The following ARHGAP21 variants were observed in gnomAD, a reference collection of about 807,000 sequenced individuals.
ARHGAP21 encodes the protein Rho GTPase activating protein 21.
A neutral mutation model predicts 164.6 loss-of-function variants in ARHGAP21; 38 were observed. The observed-to-expected ratio is 0.23, with a 90% CI of 0.18 to 0.30. The LOEUF (loss-of-function observed/expected upper bound fraction) is 0.30. ARHGAP21 is among the 10% of genes least tolerant of loss of function. The probability of loss-of-function intolerance (pLI) is 1.00; values close to 1 mark genes in which losing one functional copy is unlikely to be tolerated. For missense variants in ARHGAP21, 1,822 were observed against 2,370.7 expected (o/e 0.77, Z 4.81); for synonymous variants, 766 against 857.9 (o/e 0.89, Z 1.87).
chr10:24,609,225 AGT>A (rs2077155460), intron 9 of ARHGAP21, among the ~76,000 whole-genome samples: 2 of 152,212 alleles, frequency 1.3e-5, no homozygotes, highest in Non-Finnish European at 2.9e-5. Flanking sequence ...AACTAAAGAG[AGT>A]GAAATTCAAA....
intron 24 of ARHGAP21, 32 bp downstream of exon 24, chr10:24,591,193 C>CT (rs1385639779): frequency 6.6e-7 from 1 of 1,514,452 alleles, no homozygotes; most frequent in Non-Finnish European, 9.1e-7. Flanking sequence ...AGCTTTCAGC[C>CT]TAGAGGTCAA....
chr10:24,711,419 A>G (rs1844805258), intron 2 of ARHGAP21, among the ~76,000 whole-genome samples: 1 of 152,150 alleles, frequency 6.6e-6, no homozygotes, highest in Admixed American at 6.5e-5. Context: ...TTTATAAATC[A>G]TTCCTAAACA....
chr10:24,598,017 A>G lies in ARHGAP21; in HGVS notation c.3133-8T>C. The G allele has an allele frequency of 2.5e-6, 4 of 1,600,804 alleles. No homozygotes were observed. Among genetic ancestry groups the G allele is most frequent in the Non-Finnish European group, 3.4e-6 (4 of 1,172,580 alleles). On this transcript the variant is annotated splice_region_variant and splice_polypyrimidine_tract_variant and intron_variant, in intron 14 of 25. Coordinates refer to ENST00000396432, the MANE Select transcript of ARHGAP21 (RefSeq NM_020824.4). The stretch of plus-strand genomic sequence containing the variant: ...GTTAGTGACTCCAGTGTCCTACAGA[A>G]TAAAGTAAAATTAGAAAATCAATTC...
Position 24,621,242 on chromosome 10 carries a change from A to G in ARHGAP21, c.653T>C (p.Val218Ala). 6.2e-7 allele frequency: 1 copy of G among 1,613,874 alleles called. No homozygotes were observed. Residue 218 changes from valine to alanine, a missense_variant, in exon 9 of 26, where the codon GTT (valine) becomes GCT (alanine). Coordinates refer to ENST00000396432, the MANE Select transcript of ARHGAP21 (RefSeq NM_020824.4). ...TGATGAGTCAGGAGGAGATATTTCA[A>G]CTGGCTGTGCCATGGCTGATGGGGC... ...PSAPSAMAQP[V>A]EISPPDSSLS...
Position 24,596,821 on chromosome 10 carries a change from T to C in ARHGAP21, c.3396A>G (p.Arg1132=). 1.2e-6 allele frequency: 2 copies of C among 1,612,252 alleles called. No individual in the cohort carries two copies. The highest frequency in any genetic ancestry group is 2.2e-5 in the East Asian group (1 of 44,692). ...CAGTTGGCTTTTTCTCAAATGTCTT[T>C]CTCATGATACTTGGAATGCCTTTTC... The part of the protein sequence containing the change: ...TWRKGIPSIM[R]KTFEKKPTAT... Residue 1132 remains arginine, a synonymous_variant, in exon 17 of 26, where the codon AGA becomes AGG. Coordinates refer to ENST00000396432, the MANE Select transcript of ARHGAP21 (RefSeq NM_020824.4).
chr10:24,602,051 G>A lies in ARHGAP21; in HGVS notation c.2774C>T (p.Ser925Phe), dbSNP rs1265976883. ...GGCAGCATCACTGAAGACCTCTGAG[G>A]AAGAATCTTTTCTGGACCCAGAGTC... ...SEDSGSRKDS[S>F]SEVFSDAAKE... is the part of the protein sequence containing the mutation. The change falls in exon 13 of 26, where the codon TCC becomes TTC. Residue 925 changes from serine (S) to phenylalanine (F), a missense_variant. Ser to Phe is a radical substitution (Grantham distance 155). Coordinates refer to ENST00000396432, the MANE Select transcript of ARHGAP21 (RefSeq NM_020824.4). 1 of 1,613,076 alleles carries A rather than the reference G, an allele frequency of 6.2e-7. No individual in the cohort carries two copies. Among genetic ancestry groups the A allele is most frequent in the Admixed American group, 1.7e-5 (1 of 60,002 alleles).
intron 9 of ARHGAP21, among the ~76,000 whole-genome samples, chr10:24,614,559 G>A (rs1186615835): frequency 6.6e-6 from 1 of 152,124 alleles, no homozygotes; most frequent in African/African-American, 2.4e-5. Flanking sequence ...TTGGGAGGTT[G>A]AGGCAGGCGG....
chr10:24,662,756 T>C (rs560459613), intron 4 of ARHGAP21, among the ~76,000 whole-genome samples: 1 of 152,330 alleles, frequency 6.6e-6, no homozygotes, highest in Non-Finnish European at 1.5e-5. Context: ...GTACTTGAAT[T>C]TCTATTTCTC....
intron 12 of ARHGAP21, among the ~76,000 whole-genome samples, chr10:24,603,707 C>G (rs2076908498): frequency 6.6e-6 from 1 of 151,996 alleles, no homozygotes; most frequent in Non-Finnish European, 1.5e-5. Context: ...GGTATAAAGG[C>G]AGGGGACTGG....
At chr10:24,591,752 G>A (rs2076341219) in intron 22 of ARHGAP21, 69 bp from the exon 23 acceptor site, 1 of 1,601,026 alleles carries the variant, frequency 6.2e-7, no homozygotes, top group Non-Finnish European at 8.5e-7. Flanking sequence ...TTGGAGGATA[G>A]TATAGAAAAA....
rs139273605 is a variant in ARHGAP21, at chr10:24,600,543, C to T, written c.3132+103G>A. On this transcript the variant is annotated intron_variant, in intron 14 of 25. Coordinates refer to ENST00000396432, the MANE Select transcript of ARHGAP21 (RefSeq NM_020824.4). ...TCAACTGTTTTACATGAAAATAGCA[C>T]ATTATAATTTTTTTATAAAAATGAT... The T allele has an allele frequency of 1.0e-3, 1,409 of 1,359,306 alleles. 23 individuals are homozygous for T. The East Asian group carries it at 0.027, about 26-fold the overall frequency. The allele number at this position is 1,359,306 out of a possible 1,614,324, so 84.2% of individuals were successfully genotyped here.
Position 24,596,876 on chromosome 10 carries a change from G to T in ARHGAP21, c.3341C>A (p.Thr1114Asn), listed in dbSNP as rs746946721. The change falls in exon 17 of 26, where the codon ACC (threonine) becomes AAC (asparagine). Residue 1114 changes from threonine to asparagine, a missense_variant. By Grantham distance (65) the Thr-to-Asn change is moderately conservative. Around this residue, in one of 5 missense-constraint regions of ARHGAP21, gnomAD observed 1,090 missense variants for 1,378.9 expected, o/e 0.79. Coordinates refer to ENST00000396432, the MANE Select transcript of ARHGAP21 (RefSeq NM_020824.4). ...TGTGCCTTTGTCTTTTGGGGGACTG[G>T]TATCATCTTTTGATTGCCAGTCAAA... ...SERKLLSKDDTSPPKDKGTWR... is the reference protein window; with the variant it reads ...SERKLLSKDDNSPPKDKGTWR... The T allele has an allele frequency of 3.8e-6, 6 of 1,597,352 alleles. No homozygotes were observed. In the African/African-American group the frequency reaches 6.8e-5, roughly 18 times the overall value.
intron 2 of ARHGAP21, among the ~76,000 whole-genome samples, chr10:24,717,179 G>A (rs770398386): frequency 1.2e-4 from 18 of 152,180 alleles, no homozygotes; most frequent in Non-Finnish European, 2.1e-4. Context: ...TAGCAAATCA[G>A]GATGTCGAGG....
intron 12 of ARHGAP21, among the ~76,000 whole-genome samples, chr10:24,602,618 G>A (rs2076860048): frequency 6.6e-6 from 1 of 152,158 alleles, no homozygotes; most frequent in South Asian, 2.1e-4. Context: ...TCAATAAACA[G>A]CTAATTCTAG....
intron 4 of ARHGAP21, chr10:24,648,881 A>C: frequency 1.0e-6 from 1 of 985,036 alleles, no homozygotes; most frequent in Non-Finnish European, 1.2e-6. Context: ...ATCATGTCCT[A>C]GTCAGTCAGA....
At chr10:24,718,888 G>T (rs1336954679) in intron 2 of ARHGAP21, among the ~76,000 whole-genome samples, 3 of 151,996 alleles carry the variant, frequency 2.0e-5, no homozygotes, top group Admixed American at 6.6e-5. Context: ...TGAAATAAAT[G>T]TTAGAAATGG....
chr10:24,722,548 T>G (rs946797372), intron 1 of ARHGAP21: 3 of 153,946 alleles, frequency 1.9e-5, no homozygotes, highest in African/African-American at 7.2e-5. Flanking sequence ...AATTCATGTC[T>G]TTCCTGGGTA....
intron 21 of ARHGAP21, 120 bp downstream of exon 21, chr10:24,594,826 AGGAC>A: frequency 1.6e-6 from 1 of 639,740 alleles, no homozygotes; most frequent in Middle Eastern, 4.8e-4. Flanking sequence ...AATTTTAAGA[AGGAC>A]TTACCCAGTT....
At position 24,584,523 on chromosome 10, in the gene ARHGAP21, G is replaced by C. The variant is rs563418963; in HGVS notation, c.5766C>G (p.Asn1922Lys). The C allele has an allele frequency of 6.2e-7, 1 of 1,613,908 alleles. No homozygotes were observed. ...TGCTCACGTTCTGGAAGCTTTCTCC[G>C]TTTATTTGGTCAGGTGACTGTGGTG... ...SIPPQSPDQI[N>K]GESFQNVSKN... The change falls in exon 26 of 26, where the codon AAC becomes AAG. Residue 1922 changes from asparagine (N) to lysine (K), a missense_variant. Around this residue, in one of 5 missense-constraint regions of ARHGAP21, gnomAD observed 165 missense variants for 176.6 expected, o/e 0.93. Transcript: ENST00000396432.
Sources: gnomAD v4.1 joint callset for allele counts (sites outside exome capture counted in the v4.1 genomes callset) on GRCh38, gnomAD v4.1.1 for gene constraint, gnomAD v4.1.1 regional missense constraint, MANE v1.5 for transcripts, NCBI Gene and HGNC (gene_info 2026-07-23, HGNC 2026-07-21) for gene names.